EVI5: variants seen among roughly 807,000 people sequenced by gnomAD.
EVI5 encodes ecotropic viral integration site 5 protein homolog.
In EVI5, 73 loss-of-function variants were observed where a neutral mutation model predicts 112.0. The observed-to-expected ratio is 0.65, with a 90% CI of 0.54 to 0.79. The LOEUF is 0.79. Ranked by LOEUF, EVI5 falls within the 30% of genes least tolerant of loss-of-function variation. EVI5 has a pLI of 0.00. For missense variants in EVI5, 900 were observed against 968.8 expected, an observed-to-expected ratio of 0.93 and a Z score of 0.94; for synonymous variants, 305 against 319.9, an observed-to-expected ratio of 0.95 and a Z score of 0.50.
chr1:92,695,385 GGAT>G lies in EVI5; in HGVS notation c.831_833del (p.Ser278del), dbSNP rs776200762. On this transcript the variant is annotated inframe_deletion, in exon 7 of 20. Coordinates refer to ENST00000684568, the MANE Select transcript of EVI5 (RefSeq NM_001350197.2). ...TTGTAAGAAAGATAGTCAGAAACCAGGATGATGCATACATTGAGGTATGAAAAC... is the reference window on the plus strand; with the variant it reads ...TTGTAAGAAAGATAGTCAGAAACCAGGATGCATACATTGAGGTATGAAAAC... 9 of 1,605,144 alleles carry G rather than the reference GGAT, an allele frequency of 5.6e-6. No homozygotes were observed. The highest frequency in any genetic ancestry group is 7.7e-6 in the Non-Finnish European group (9 of 1,172,074).
At chr1:92,708,407 G>A (rs1672331463) in intron 2 of EVI5, among the ~76,000 whole-genome samples, 1 of 152,072 alleles carries the variant, frequency 6.6e-6, no homozygotes, top group Non-Finnish European at 1.5e-5. Context: ...AAAGCAAATT[G>A]AAAACACAAT....
intron 2 of EVI5, 139 bp from the exon 3 acceptor site, chr1:92,704,883 A>G: frequency 5.0e-6 from 2 of 402,954 alleles, no homozygotes; most frequent in Non-Finnish European, 8.6e-6. Context: ...AATTTAAATA[A>G]ATTTTGGTCA....
chr1:92,707,758 T>C lies in EVI5; in HGVS notation c.150-3014A>G, dbSNP rs186902413. Among the ~76,000 whole-genome samples, 13 of 152,292 alleles carry C rather than the reference T, an allele frequency of 8.5e-5. No individual in the cohort carries two copies. The East Asian group carries it at 2.5e-3, about 29-fold the overall frequency. The stretch of plus-strand genomic sequence containing the variant: ...CATACAGTTGAAATACATATCCATA[T>C]GGTCCAGCAGTAAAATGAAAACATA... On this transcript the variant is annotated intron_variant, in intron 2 of 19. Transcript: ENST00000684568.
chr1:92,724,303 G>A (rs1675216291), intron 2 of EVI5, among the ~76,000 whole-genome samples: 1 of 151,972 alleles, frequency 6.6e-6, no homozygotes, highest in South Asian at 2.1e-4. Flanking sequence ...TTATTTCTCA[G>A]ACCGGCCGAC....
chr1:92,705,804 C>T lies in EVI5; in HGVS notation c.150-1060G>A, dbSNP rs190933495. Among the ~76,000 whole-genome samples, 13 of 152,258 alleles carry T rather than the reference C, an allele frequency of 8.5e-5. No individual in the cohort carries two copies. The East Asian group carries it at 2.5e-3, about 29-fold the overall frequency. ...TCATCTGCTTAGGCTACAACAAAAG[C>T]TCACAATACTAATTCATAAAATACA... On this transcript the variant is annotated intron_variant, in intron 2 of 19. Coordinates refer to ENST00000684568, the MANE Select transcript of EVI5 (RefSeq NM_001350197.2).
intron 13 of EVI5, among the ~76,000 whole-genome samples, chr1:92,642,604 T>C (rs2101970312): frequency 6.6e-6 from 1 of 152,378 alleles, no homozygotes; most frequent in Admixed American, 6.5e-5. Flanking sequence ...ATACATTATC[T>C]AGAAGAATTC....
intron 13 of EVI5, chr1:92,647,495 T>C: frequency 2.0e-6 from 1 of 489,952 alleles, no homozygotes; most frequent in Non-Finnish European, 3.8e-6. Context: ...CCAGACACTG[T>C]CTTCCACCTC....
chr1:92,603,400 T>C (rs1165445424), intron 18 of EVI5, among the ~76,000 whole-genome samples: 1 of 152,202 alleles, frequency 6.6e-6, no homozygotes, highest in Non-Finnish European at 1.5e-5. Context: ...ACACCTGTAT[T>C]CATAGCAGCA....
At chr1:92,533,797 T>C (rs960291035) in intron 19 of EVI5, among the ~76,000 whole-genome samples, 1 of 152,114 alleles carries the variant, frequency 6.6e-6, no homozygotes, top group Non-Finnish European at 1.5e-5. Flanking sequence ...ATAAGAGCTA[T>C]TTATGACAAA....
intron 18 of EVI5, among the ~76,000 whole-genome samples, chr1:92,599,080 A>G (rs946831127): frequency 2.0e-5 from 3 of 151,636 alleles, no homozygotes; most frequent in East Asian, 3.9e-4. Context: ...AATATACTAT[A>G]TATCTATATG....
At position 92,714,121 on chromosome 1, in the gene EVI5, TC is replaced by T. The variant is rs1441204372; in HGVS notation, c.150-9378del. The T allele has an allele frequency of 1.0e-4, 98 of 981,758 alleles. No individual in the cohort carries two copies. The South Asian group carries it at 1.5e-3, about 15-fold the overall frequency. The allele number at this position is 981,758 out of a possible 1,614,324, so 60.8% of individuals were successfully genotyped here. The stretch of plus-strand genomic sequence containing the variant: ...CTTTAAAGCTATCAATTATTAACTT[TC>T]ATCAAATAGATCTTTGACATTACAT... On this transcript the variant is annotated intron_variant, in intron 2 of 19. Coordinates refer to ENST00000684568, the MANE Select transcript of EVI5 (RefSeq NM_001350197.2).
At position 92,736,414 on chromosome 1, in the gene EVI5, G is replaced by T; in HGVS notation, c.133C>A (p.Leu45Met). ...CTCACTCACCTATTCTGTTCTTCCA[G>T]TTTAGCCAGGAGTTCTAAGTCGTCT... ...SPDDLELLAK[L>M]EEQNRLLETD... is the part of the protein sequence containing the mutation. Residue 45 changes from leucine (L) to methionine (M), a missense_variant, in exon 2 of 20, where the codon CTG becomes ATG. Leu to Met is a conservative substitution (Grantham distance 15). Coordinates refer to ENST00000684568, the MANE Select transcript of EVI5 (RefSeq NM_001350197.2). 6.2e-7 allele frequency: 1 copy of T among 1,610,220 alleles called. No individual in the cohort carries two copies. The highest frequency in any genetic ancestry group is 8.5e-7 in the Non-Finnish European group (1 of 1,176,528).
intron 2 of EVI5, among the ~76,000 whole-genome samples, chr1:92,710,936 G>A (rs957122969): frequency 2.0e-5 from 3 of 152,152 alleles, no homozygotes; most frequent in African/African-American, 7.2e-5. Flanking sequence ...AACAGCCTCG[G>A]TCTTATCTTA....
chr1:92,558,895 C>CA (rs912404910), intron 19 of EVI5, among the ~76,000 whole-genome samples: 4 of 150,916 alleles, frequency 2.7e-5, no homozygotes, highest in African/African-American at 7.3e-5. Context: ...CAACACCAAC[C>CA]AAAAAAACCC....
chr1:92,546,876 T>C (rs373444134), intron 19 of EVI5, among the ~76,000 whole-genome samples: 1 of 152,094 alleles, frequency 6.6e-6, no homozygotes, highest in African/African-American at 2.4e-5. Flanking sequence ...CAAAGAGACT[T>C]AGACTCCCAC....
At chr1:92,630,746 G>T (rs1032230392) in intron 14 of EVI5, among the ~76,000 whole-genome samples, 1 of 152,098 alleles carries the variant, frequency 6.6e-6, no homozygotes, top group African/African-American at 2.4e-5. Context: ...CCTTGCCCAC[G>T]CCTATGTCCT....
At chr1:92,723,751 G>A (rs1054999702) in intron 2 of EVI5, among the ~76,000 whole-genome samples, 1 of 152,182 alleles carries the variant, frequency 6.6e-6, no homozygotes, top group Non-Finnish European at 1.5e-5. Flanking sequence ...TTGCGGGGTC[G>A]AGCAGAACAG....
chr1:92,755,521 C>A (rs139455688), intron 1 of EVI5, among the ~76,000 whole-genome samples: 1 of 152,346 alleles, frequency 6.6e-6, no homozygotes, highest in Admixed American at 6.5e-5. Context: ...ATTCATACAG[C>A]TGTTTAGAAC....
At chr1:92,578,682 C>T (rs1396774216) in intron 18 of EVI5, among the ~76,000 whole-genome samples, 1 of 149,724 alleles carries the variant, frequency 6.7e-6, no homozygotes, top group Non-Finnish European at 1.5e-5. Flanking sequence ...CGCGCCACTG[C>T]ACTCCAGCCT....
Sources: allele counts gnomAD v4.1 joint callset (sites outside exome capture counted in the v4.1 genomes callset), GRCh38; gene constraint gnomAD v4.1.1; transcripts MANE v1.5; gene names NCBI Gene and HGNC (gene_info 2026-07-23, HGNC 2026-07-21).